Variants in R3HDM1 observed in about 807,000 individuals in gnomAD.
R3HDM1 encodes R3H domain-containing protein 1.
Under a neutral mutation model 141.1 loss-of-function variants are expected in R3HDM1, and 46 were observed. That is an observed-to-expected ratio of 0.33 (90% CI 0.26 to 0.42). The LOEUF (loss-of-function observed/expected upper bound fraction) is 0.42. R3HDM1 is among the 10% of genes least tolerant of loss of function. R3HDM1 has a pLI of 1.00. For missense variants in R3HDM1, 1,184 were observed against 1,368.3 expected (o/e 0.87, Z 2.12); for synonymous variants, 435 against 472.9 (o/e 0.92, Z 1.04).
At chr2:135,636,220 A>G in intron 11 of R3HDM1, 37 bp downstream of exon 11, 1 of 1,591,468 alleles carries the variant, frequency 6.3e-7, no homozygotes, top group Non-Finnish European at 8.5e-7. Context: ...ATGTTAGAGT[A>G]TATTCTAATT....
intron 15 of R3HDM1, among the ~76,000 whole-genome samples, chr2:135,642,290 GT>G (rs1024701920): frequency 4.6e-5 from 7 of 151,386 alleles, no homozygotes; most frequent in African/African-American, 1.7e-4. Context: ...CTTATTGGTA[GT>G]AAAAAAAAAA....
chr2:135,596,221 C>T (rs2059171385), intron 1 of R3HDM1, among the ~76,000 whole-genome samples: 1 of 152,186 alleles, frequency 6.6e-6, no homozygotes. Context: ...TGGTCTCAAA[C>T]TCCTGACCTC....
chr2:135,542,156 G>A (rs1462450642), intron 1 of R3HDM1, among the ~76,000 whole-genome samples: 4 of 152,134 alleles, frequency 2.6e-5, no homozygotes, highest in African/African-American at 4.8e-5. Context: ...TTTTCTACTT[G>A]TATTGTTAAG....
intron 1 of R3HDM1, chr2:135,586,802 G>C (rs13384007): frequency 1.0e-6 from 1 of 984,928 alleles, no homozygotes; most frequent in Non-Finnish European, 1.2e-6. Context: ...TTACCTGTGT[G>C]CTAATTGGTA....
At chr2:135,719,615 G>A in intron 24 of R3HDM1, among the ~76,000 whole-genome samples, 1 of 152,194 alleles carries the variant, frequency 6.6e-6, no homozygotes. Flanking sequence ...GAACCTGGAT[G>A]ATAGGTACAT....
chr2:135,705,727 C>T (rs905123130), intron 21 of R3HDM1, among the ~76,000 whole-genome samples: 1 of 152,030 alleles, frequency 6.6e-6, no homozygotes, highest in African/African-American at 2.4e-5. Flanking sequence ...TTTATCATGG[C>T]TTCAATTCCA....
Position 135,638,962 on chromosome 2 carries a change from G to A in R3HDM1, c.1059G>A (p.Lys353=), listed in dbSNP as rs770901687. The change falls in exon 14 of 27, where the codon AAG becomes AAA. Residue 353 remains lysine (K), a synonymous_variant. Coordinates refer to ENST00000683871, the MANE Select transcript of R3HDM1 (RefSeq NM_001378107.1). ...SHQSSTENEL[K]YSEPRPWSST... ...AAAGCAGCACTGAGAATGAGTTGAAGTACTCGGAACCACGACCCTGGAGCA... is the reference window on the plus strand; with the variant it reads ...AAAGCAGCACTGAGAATGAGTTGAAATACTCGGAACCACGACCCTGGAGCA... The A allele has an allele frequency of 7.4e-6, 12 of 1,613,984 alleles. No homozygotes were observed. The East Asian group carries it at 2.7e-4, about 36-fold the overall frequency.
intron 1 of R3HDM1, among the ~76,000 whole-genome samples, chr2:135,537,532 C>T (rs188303782): frequency 1.1e-3 from 167 of 151,792 alleles, no homozygotes; most frequent in African/African-American, 3.9e-3. Flanking sequence ...GTGATCTGCC[C>T]ACCTCAGCCT....
chr2:135,584,381 A>G, intron 1 of R3HDM1: 1 of 939,796 alleles, frequency 1.1e-6, no homozygotes, highest in Non-Finnish European at 1.3e-6. Flanking sequence ...TTTATTTGAA[A>G]GTTTTCATTA....
chr2:135,669,501 A>G, intron 19 of R3HDM1: 9 of 984,500 alleles, frequency 9.1e-6, no homozygotes, highest in Non-Finnish European at 1.1e-5. Flanking sequence ...GTTAAGCTAC[A>G]GTAAAGTCTT....
chr2:135,570,975 C>G (rs1048950327), intron 1 of R3HDM1, among the ~76,000 whole-genome samples: 28 of 152,340 alleles, frequency 1.8e-4, no homozygotes, highest in Non-Finnish European at 3.4e-4. Flanking sequence ...TTTGACCCCT[C>G]AGAAAAGTCA....
chr2:135,684,612 C>T (rs914403253), intron 21 of R3HDM1, among the ~76,000 whole-genome samples: 1 of 152,206 alleles, frequency 6.6e-6, no homozygotes, highest in Non-Finnish European at 1.5e-5. Context: ...CTCCACCCCC[C>T]ATCCCCAGGT....
chr2:135,572,109 C>A (rs1219981686), intron 1 of R3HDM1, among the ~76,000 whole-genome samples: 1 of 152,086 alleles, frequency 6.6e-6, no homozygotes, highest in Non-Finnish European at 1.5e-5. Context: ...AGGCACACAC[C>A]ACCACGCCCA....
At chr2:135,553,617 A>T (rs933703554) in intron 1 of R3HDM1, among the ~76,000 whole-genome samples, 2 of 152,238 alleles carry the variant, frequency 1.3e-5, no homozygotes, top group Non-Finnish European at 2.9e-5. Context: ...AACCTGACTT[A>T]TATGAATCAT....
chr2:135,621,566 GA>G lies in R3HDM1; in HGVS notation c.380del (p.Lys127ArgfsTer25). On this transcript the variant is annotated frameshift_variant, in exon 6 of 27. Coordinates refer to ENST00000683871, the MANE Select transcript of R3HDM1 (RefSeq NM_001378107.1). LOFTEE classifies it high-confidence loss of function. The stretch of plus-strand genomic sequence containing the variant: ...GCCCTCAAAAGATGAAGCAGAAAAA[GA>G]AAAGGCCAGTGATAAGTTGCCCAGA... ...EKPSKDEAEK[E>X]KASDKLPRKM... 2 of 1,599,252 alleles carry G rather than the reference GA, an allele frequency of 1.3e-6. No individual in the cohort carries two copies. The highest frequency in any genetic ancestry group is 1.7e-5 in the Admixed American group (1 of 59,050).
intron 18 of R3HDM1, chr2:135,656,586 T>G (rs1291348722): frequency 2.0e-5 from 3 of 152,138 alleles, no homozygotes; most frequent in African/African-American, 4.8e-5. Context: ...CCTTGAATTT[T>G]CTGAATATGT....
At chr2:135,667,373 A>G (rs1000675342) in intron 19 of R3HDM1, among the ~76,000 whole-genome samples, 51 of 145,112 alleles carry the variant, frequency 3.5e-4, no homozygotes, top group Non-Finnish European at 6.1e-4. Context: ...CAGTCCTTTA[A>G]CAAAACAGAA....
At chr2:135,712,428 A>C (rs1322510646) in intron 23 of R3HDM1, among the ~76,000 whole-genome samples, 1 of 104,036 alleles carries the variant, frequency 9.6e-6, no homozygotes, top group Admixed American at 1.0e-4. Flanking sequence ...TGCCCAACTA[A>C]TTTTTTTTTT....
intron 4 of R3HDM1, 85 bp downstream of exon 4, chr2:135,616,278 CAGTTT>C (rs145389340): frequency 0.03 from 39,463 of 1,304,364 alleles, 796 homozygotes; most frequent in Admixed American, 0.046. Flanking sequence ...GCACTACATT[CAGTTT>C]AGTTCTTCCA....
Sources: allele counts gnomAD v4.1 joint callset (sites outside exome capture counted in the v4.1 genomes callset), GRCh38; gene constraint gnomAD v4.1.1; transcripts MANE v1.5; gene names NCBI Gene and HGNC (gene_info 2026-07-23, HGNC 2026-07-21).